Variants in PTPRE observed in about 807,000 individuals in gnomAD.
The protein encoded by PTPRE is receptor-type tyrosine-protein phosphatase epsilon.
PTPRE carries 51 observed loss-of-function variants against 102.0 expected under a neutral mutation model. The ratio of observed to expected loss-of-function variants is 0.50; its 90% CI spans 0.40 to 0.63. PTPRE has a LOEUF of 0.63. PTPRE is among the 30% of genes least tolerant of loss of function. The pLI, the probability that PTPRE is intolerant of heterozygous loss-of-function variation, is 0.00. For missense variants in PTPRE, 752 were observed against 915.1 expected (o/e 0.82, Z 2.30); for synonymous variants, 345 against 348.2 (o/e 0.99, Z 0.10).
chr10:127,947,020 CAAA>C (rs59527787), intron 1 of PTPRE, among the ~76,000 whole-genome samples: 13 of 82,460 alleles, frequency 1.6e-4, no homozygotes, highest in South Asian at 4.0e-4. Flanking sequence ...GACCCTGTCT[CAAA>C]AAAAAAAAAA....
At position 128,018,704 on chromosome 10, in the gene PTPRE, T is replaced by C. The variant is rs140334331; in HGVS notation, c.-7-22171T>C. On this transcript the variant is annotated intron_variant, in intron 2 of 20. Coordinates refer to ENST00000254667, the MANE Select transcript of PTPRE (RefSeq NM_006504.6). The stretch of plus-strand genomic sequence containing the variant: ...GAAGCCTAAAGCTGCTCCCGGCCAG[T>C]TCTCCCAGATCAGCACCCTCAGGAA... 4.3e-3 allele frequency among the ~76,000 whole-genome samples: 662 copies of C among 152,230 alleles called. 4 individuals are homozygous for C. Among genetic ancestry groups the C allele is most frequent in the African/African-American group, 0.013 (544 of 41,536 alleles).
rs367978927 is a variant in PTPRE at position 128,072,232 on chromosome 10, G to A, written c.1464+18G>A. On this transcript the variant is annotated intron_variant, in intron 16 of 20. Transcript: ENST00000254667. ...TCATAGACGTACGTATGCTGGCCTGGGTTGTGTTTATGCAGATGTGTTTCC... is the reference window on the plus strand; with the variant it reads ...TCATAGACGTACGTATGCTGGCCTGAGTTGTGTTTATGCAGATGTGTTTCC... The A allele has an allele frequency of 7.5e-6, 12 of 1,605,236 alleles. No homozygotes were observed. In the African/African-American group the frequency reaches 1.5e-4, roughly 20 times the overall value.
chr10:128,012,869 A>G (rs1845130939), intron 2 of PTPRE, among the ~76,000 whole-genome samples: 1 of 152,198 alleles, frequency 6.6e-6, no homozygotes, highest in African/African-American at 2.4e-5. Context: ...AATCTGGTTA[A>G]TTAAACAAGG....
At chr10:127,943,497 T>A (rs1365613364) in intron 1 of PTPRE, among the ~76,000 whole-genome samples, 1 of 152,140 alleles carries the variant, frequency 6.6e-6, no homozygotes, top group Admixed American at 6.5e-5. Flanking sequence ...GGGAGACGGC[T>A]ACCTGAGCCT....
At chr10:127,942,076 G>C (rs1185193297) in intron 1 of PTPRE, among the ~76,000 whole-genome samples, 4 of 152,130 alleles carry the variant, frequency 2.6e-5, no homozygotes. Context: ...CTGAAATGCA[G>C]GGCAAGCCTC....
chr10:127,938,967 T>C (rs542904511), intron 1 of PTPRE, among the ~76,000 whole-genome samples: 10 of 152,320 alleles, frequency 6.6e-5, no homozygotes, highest in Middle Eastern at 3.4e-3. Flanking sequence ...GGAGTAAATT[T>C]GGATGTGTGT....
chr10:127,941,587 T>C (rs1848248916), intron 1 of PTPRE, among the ~76,000 whole-genome samples: 1 of 152,250 alleles, frequency 6.6e-6, no homozygotes, highest in Non-Finnish European at 1.5e-5. Context: ...ATATAAACAA[T>C]GAATGTAAAC....
intron 1 of PTPRE, among the ~76,000 whole-genome samples, chr10:127,920,945 A>T (rs758335004): frequency 7.9e-5 from 12 of 152,170 alleles, no homozygotes; most frequent in Non-Finnish European, 1.8e-4. Context: ...ATCAACCCAG[A>T]CATGAGTCTC....
chr10:127,953,682 CA>C (rs1302376813), intron 1 of PTPRE, among the ~76,000 whole-genome samples: 1 of 152,192 alleles, frequency 6.6e-6, no homozygotes, highest in Non-Finnish European at 1.5e-5. Flanking sequence ...GGTCATTTGC[CA>C]GAGGAAGAGA....
intron 18 of PTPRE, 113 bp from the exon 19 acceptor site, chr10:128,077,503 CA>C (rs1851315331): frequency 7.5e-7 from 1 of 1,335,552 alleles, no homozygotes; most frequent in Non-Finnish European, 1.0e-6. Flanking sequence ...ATGTTGGCAG[CA>C]CAGAAGGCTC....
intron 1 of PTPRE, among the ~76,000 whole-genome samples, chr10:127,931,364 T>A (rs911074757): frequency 1.2e-4 from 19 of 152,250 alleles, no homozygotes; most frequent in Non-Finnish European, 5.9e-5. Context: ...AAAGGATTCG[T>A]GTTCCAGAAA....
At chr10:127,919,384 T>A (rs1250356941) in intron 1 of PTPRE, among the ~76,000 whole-genome samples, 1 of 152,236 alleles carries the variant, frequency 6.6e-6, no homozygotes, top group African/African-American at 2.4e-5. Flanking sequence ...TCTCCTTATT[T>A]AGAGCCAGAG....
chr10:127,994,850 A>G lies in PTPRE; in HGVS notation c.-8+12554A>G, dbSNP rs141061641. On this transcript the variant is annotated intron_variant, in intron 2 of 20. Transcript: ENST00000254667. ...AAACTGGGCCAAGACTGCACATTTCAGTTCACTTTGGGTTTCTGATAGCAG... is the reference window on the plus strand; with the variant it reads ...AAACTGGGCCAAGACTGCACATTTCGGTTCACTTTGGGTTTCTGATAGCAG... Among the ~76,000 whole-genome samples, 375 of 152,212 alleles carry G rather than the reference A, an allele frequency of 2.5e-3. 2 individuals are homozygous for G. The highest frequency in any genetic ancestry group is 8.6e-3 in the African/African-American group (357 of 41,534).
At chr10:127,966,648 C>A (rs1276136959) in intron 1 of PTPRE, among the ~76,000 whole-genome samples, 1 of 152,176 alleles carries the variant, frequency 6.6e-6, no homozygotes, top group Non-Finnish European at 1.5e-5. Flanking sequence ...CCCCACCCGC[C>A]ACCCCAAGGT....
chr10:127,936,568 G>T (rs1253761421), intron 1 of PTPRE, among the ~76,000 whole-genome samples: 9 of 152,164 alleles, frequency 5.9e-5, no homozygotes, highest in Admixed American at 5.2e-4. Flanking sequence ...TTCAGATAGG[G>T]GTAGAAGGTG....
chr10:128,048,658 A>G (rs1249277818), intron 5 of PTPRE, among the ~76,000 whole-genome samples: 1 of 152,152 alleles, frequency 6.6e-6, no homozygotes, highest in Admixed American at 6.5e-5. Flanking sequence ...CCCTCGTTCC[A>G]GTCCCCGGTT....
At chr10:128,082,609 T>G (rs1851822786) in intron 20 of PTPRE, among the ~76,000 whole-genome samples, 2 of 152,068 alleles carry the variant, frequency 1.3e-5, no homozygotes, top group Admixed American at 6.6e-5. Context: ...TTAAATACAC[T>G]AAGTTGAAAT....
At chr10:128,014,568 C>T (rs1239109481) in intron 2 of PTPRE, among the ~76,000 whole-genome samples, 1 of 152,090 alleles carries the variant, frequency 6.6e-6, no homozygotes, top group Non-Finnish European at 1.5e-5. Context: ...TGTGTATCTG[C>T]AGCATATTAA....
Position 128,047,844 on chromosome 10 carries a change from A to C in PTPRE, c.283+7A>C. The C allele has an allele frequency of 6.3e-7, 1 of 1,580,412 alleles. No homozygotes were observed. Among genetic ancestry groups the C allele is most frequent in the Non-Finnish European group, 8.6e-7 (1 of 1,158,138 alleles). Reference sequence around the variant, plus strand: ...GGAATCTTGGAGGAGCAAGGTACAGAAGCTGCTCTCTGGCTGGGGCTTGGG... The same window carrying C: ...GGAATCTTGGAGGAGCAAGGTACAGCAGCTGCTCTCTGGCTGGGGCTTGGG... On this transcript the variant is annotated splice_region_variant and intron_variant, in intron 5 of 20. Coordinates refer to ENST00000254667, the MANE Select transcript of PTPRE (RefSeq NM_006504.6).
Sources: gnomAD v4.1 joint callset for allele counts (sites outside exome capture counted in the v4.1 genomes callset) on GRCh38, gnomAD v4.1.1 for gene constraint, MANE v1.5 for transcripts, NCBI Gene and HGNC (gene_info 2026-07-23, HGNC 2026-07-21) for gene names.